Variants in IQCK observed in about 807,000 individuals in gnomAD.
The protein encoded by IQCK is IQ domain-containing protein K.
In IQCK, 29 loss-of-function variants were observed where a neutral mutation model predicts 28.1. The observed-to-expected ratio is 1.03, with a 90% CI of 0.77 to 1.41. The LOEUF is 1.41. IQCK is among the 40% of genes most tolerant of loss of function. The probability of loss-of-function intolerance (pLI) is 0.00; values close to 1 mark genes in which losing one functional copy is unlikely to be tolerated. For synonymous variants in IQCK, 113 were observed against 115.1 expected, an observed-to-expected ratio of 0.98 and a Z score of 0.12; for missense variants, 359 against 314.7, an observed-to-expected ratio of 1.14 and a Z score of -1.07.
intron 4 of IQCK, among the ~76,000 whole-genome samples, chr16:19,745,505 G>A (rs2054898570): frequency 6.6e-6 from 1 of 152,170 alleles, no homozygotes; most frequent in African/African-American, 2.4e-5. Flanking sequence ...TATTTTAAAA[G>A]CAGTTGGAAG....
chr16:19,840,459 A>G (rs2056352223), intron 9 of IQCK, among the ~76,000 whole-genome samples: 1 of 152,192 alleles, frequency 6.6e-6, no homozygotes, highest in Non-Finnish European at 1.5e-5. Flanking sequence ...GCGATTGATG[A>G]GTTGATTGAT....
chr16:19,824,725 C>T (rs1043571669), intron 7 of IQCK, among the ~76,000 whole-genome samples: 10 of 152,204 alleles, frequency 6.6e-5, no homozygotes, highest in South Asian at 2.1e-4. Flanking sequence ...AGATGCAGCT[C>T]CTCTGGCAAG....
intron 7 of IQCK, among the ~76,000 whole-genome samples, chr16:19,815,060 T>C (rs948267789): frequency 2.0e-5 from 3 of 152,190 alleles, no homozygotes; most frequent in African/African-American, 7.2e-5. Context: ...TTGCTGGGAT[T>C]ATAGGCGTGA....
intron 6 of IQCK, among the ~76,000 whole-genome samples, chr16:19,777,657 C>G (rs1224605058): frequency 6.6e-6 from 1 of 152,130 alleles, no homozygotes; most frequent in African/African-American, 2.4e-5. Context: ...TCTCTAGTGC[C>G]TCTCTTTTGC....
chr16:19,731,496 T>C (rs1236271614), intron 2 of IQCK, among the ~76,000 whole-genome samples: 1 of 152,232 alleles, frequency 6.6e-6, no homozygotes, highest in African/African-American at 2.4e-5. Context: ...ATGGACGCAA[T>C]TCTTTCTCAA....
intron 6 of IQCK, among the ~76,000 whole-genome samples, chr16:19,774,528 T>C (rs2055364800): frequency 6.6e-6 from 1 of 151,174 alleles, no homozygotes; most frequent in Non-Finnish European, 1.5e-5. Flanking sequence ...TACAGGTGTG[T>C]ACCACCATGC....
chr16:19,770,452 G>A (rs2055305083), intron 6 of IQCK, among the ~76,000 whole-genome samples: 1 of 152,122 alleles, frequency 6.6e-6, no homozygotes, highest in South Asian at 2.1e-4. Flanking sequence ...CAAGGCATTG[G>A]CAGAGCCTAA....
At chr16:19,779,555 C>G (rs2055446179) in intron 6 of IQCK, among the ~76,000 whole-genome samples, 1 of 152,150 alleles carries the variant, frequency 6.6e-6, no homozygotes, top group South Asian at 2.1e-4. Flanking sequence ...TTGACTCCAT[C>G]TGCCATCTGG....
intron 1 of IQCK, among the ~76,000 whole-genome samples, chr16:19,723,960 CAAAAAAA>C (rs573020918): frequency 1.9e-5 from 2 of 104,396 alleles, no homozygotes; most frequent in African/African-American, 6.9e-5. Flanking sequence ...ACTCTTGTTT[CAAAAAAA>C]AAAAAAAAAG....
chr16:19,813,619 A>G (rs959987294), intron 7 of IQCK, among the ~76,000 whole-genome samples: 2 of 152,244 alleles, frequency 1.3e-5, no homozygotes, highest in African/African-American at 4.8e-5. Flanking sequence ...CACATCTCGC[A>G]TTGAAAGAAC....
intron 9 of IQCK, among the ~76,000 whole-genome samples, chr16:19,850,368 G>A (rs1294317143): frequency 2.0e-5 from 3 of 152,072 alleles, no homozygotes; most frequent in African/African-American, 7.2e-5. Flanking sequence ...GAAAATAATA[G>A]CACTTAGCTC....
At chr16:19,727,590 C>T (rs894146736) in intron 1 of IQCK, among the ~76,000 whole-genome samples, 2 of 150,024 alleles carry the variant, frequency 1.3e-5, no homozygotes, top group Non-Finnish European at 3.0e-5. Flanking sequence ...TTGTCACCCC[C>T]CCCCCCCAAA....
At chr16:19,808,615 G>A (rs1436905182) in intron 7 of IQCK, among the ~76,000 whole-genome samples, 1 of 152,186 alleles carries the variant, frequency 6.6e-6, no homozygotes, top group Admixed American at 6.5e-5. Flanking sequence ...TGAGAAACCT[G>A]TATATTAGCA....
At chr16:19,842,272 T>C (rs2056370596) in intron 9 of IQCK, among the ~76,000 whole-genome samples, 1 of 152,264 alleles carries the variant, frequency 6.6e-6, no homozygotes, top group African/African-American at 2.4e-5. Flanking sequence ...CATGCTTTGC[T>C]TATTGTAAGG....
intron 4 of IQCK, among the ~76,000 whole-genome samples, chr16:19,736,873 C>T (rs1202600375): frequency 6.6e-6 from 1 of 150,984 alleles, no homozygotes; most frequent in African/African-American, 2.4e-5. Context: ...AAAGGCCGGG[C>T]ACAGTGGCTC....
chr16:19,751,017 A>C (rs1349292917), intron 4 of IQCK, among the ~76,000 whole-genome samples: 2 of 151,864 alleles, frequency 1.3e-5, no homozygotes. Context: ...GGTGGGCTTG[A>C]ATCTCTCCTT....
chr16:19,753,601 C>A (rs2055015464), intron 4 of IQCK, among the ~76,000 whole-genome samples: 1 of 152,088 alleles, frequency 6.6e-6, no homozygotes, highest in African/African-American at 2.4e-5. Context: ...GGAAGGGATA[C>A]TGAGCACGTA....
intron 6 of IQCK, among the ~76,000 whole-genome samples, chr16:19,775,545 G>T (rs957630569): frequency 6.6e-6 from 1 of 152,122 alleles, no homozygotes; most frequent in Non-Finnish European, 1.5e-5. Flanking sequence ...TAGTATCCCC[G>T]TTGTATTAGG....
At chr16:19,854,397 A>G (rs966266745) in intron 9 of IQCK, among the ~76,000 whole-genome samples, 16 of 151,968 alleles carry the variant, frequency 1.1e-4, no homozygotes, top group Admixed American at 5.9e-4. Flanking sequence ...AATGTCCCCA[A>G]CTTGTCCCTA....
Sources: gnomAD v4.1 joint callset for allele counts (sites outside exome capture counted in the v4.1 genomes callset) on GRCh38, gnomAD v4.1.1 for gene constraint, MANE v1.5 for transcripts, NCBI Gene and HGNC (gene_info 2026-07-23, HGNC 2026-07-21) for gene names.